Variants in PLCZ1 observed in about 807,000 individuals in gnomAD.
PLCZ1 encodes the protein 1-phosphatidylinositol 4,5-bisphosphate phosphodiesterase zeta-1.
Under a neutral mutation model 76.8 loss-of-function variants are expected in PLCZ1, and 64 were observed. The ratio of observed to expected loss-of-function variants is 0.83; its 90% CI spans 0.68 to 1.03. The LOEUF is 1.03. Ranked by LOEUF, PLCZ1 falls within the 50% of genes least tolerant of loss-of-function variation. PLCZ1 has a pLI of 0.00. For synonymous variants in PLCZ1, 248 were observed against 230.8 expected, an observed-to-expected ratio of 1.07 and a Z score of -0.68; for missense variants, 751 against 713.7, an observed-to-expected ratio of 1.05 and a Z score of -0.60.
At chr12:18,692,254 C>T (rs1954210963) in intron 12 of PLCZ1, among the ~76,000 whole-genome samples, 1 of 151,986 alleles carries the variant, frequency 6.6e-6, no homozygotes, top group Non-Finnish European at 1.5e-5. Flanking sequence ...CTAGGAGTAA[C>T]TAGTTAAATA....
chr12:18,693,083 G>C, intron 12 of PLCZ1: 3 of 1,507,500 alleles, frequency 2.0e-6, no homozygotes, highest in Non-Finnish European at 2.8e-6. Context: ...TGGATGATCT[G>C]AGGGGGACCC....
At chr12:18,659,283 C>T in the PLCZ1 span, among the ~76,000 whole-genome samples, 1 of 152,154 alleles carries the variant, frequency 6.6e-6, no homozygotes, top group Non-Finnish European at 1.5e-5. Flanking sequence ...TAAATACTAT[C>T]ACTAGTCCCG....
At chr12:18,709,333 T>C (rs1469086203) in intron 6 of PLCZ1, among the ~76,000 whole-genome samples, 1 of 152,146 alleles carries the variant, frequency 6.6e-6, no homozygotes, top group Non-Finnish European at 1.5e-5. Flanking sequence ...CATATATGCT[T>C]AGGTTGATCT....
intron 6 of PLCZ1, among the ~76,000 whole-genome samples, chr12:18,710,498 C>A (rs1324929532): frequency 2.0e-5 from 3 of 151,874 alleles, no homozygotes; most frequent in African/African-American, 4.8e-5. Context: ...CAAATTTCAG[C>A]TTTTATTTTG....
At chr12:18,721,307 G>A (rs1453247215) in intron 4 of PLCZ1, among the ~76,000 whole-genome samples, 2 of 151,992 alleles carry the variant, frequency 1.3e-5, no homozygotes, top group Non-Finnish European at 2.9e-5. Flanking sequence ...ATGAGGCTGA[G>A]GAACTTGGCA....
intron 13 of PLCZ1, among the ~76,000 whole-genome samples, chr12:18,686,444 AC>A (rs1405846746): frequency 6.6e-6 from 1 of 151,454 alleles, no homozygotes; most frequent in Non-Finnish European, 1.5e-5. Context: ...CCTATATTCC[AC>A]CCATCTTGAG....
rs1424821717 is a variant in PLCZ1 at position 18,683,231 on chromosome 12, A to G, written c.*8T>C. ...CATAGCTAATGATATGTCATTTATCATTAGCTGTTATCTGACGTACCAAAC... is the reference window on the plus strand; with the variant it reads ...CATAGCTAATGATATGTCATTTATCGTTAGCTGTTATCTGACGTACCAAAC... On this transcript the variant is annotated 3_prime_UTR_variant, in exon 15 of 15. Coordinates refer to ENST00000266505, the MANE Select transcript of PLCZ1 (RefSeq NM_033123.4). 2 of 1,610,800 alleles carry G rather than the reference A, an allele frequency of 1.2e-6. No individual in the cohort carries two copies. Among genetic ancestry groups the G allele is most frequent in the African/African-American group, 1.3e-5 (1 of 74,748 alleles).
rs1565748565 is a variant in PLCZ1, at chr12:18,736,329, CT to C, written c.26del (p.Lys9ArgfsTer13). 2 of 1,612,116 alleles carry C rather than the reference CT, an allele frequency of 1.2e-6. No individual in the cohort carries two copies. Among genetic ancestry groups the C allele is most frequent in the South Asian group, 2.2e-5 (2 of 90,976 alleles). On this transcript the variant is annotated frameshift_variant, in exon 3 of 15. Transcript: ENST00000266505. LOFTEE classifies it high-confidence loss of function. ...TTCCACCTCTGAAGTCATCCTGAATCTTTGACAAAAACCATGTAGAAGCACA... is the reference window on the plus strand; with the variant it reads ...TTCCACCTCTGAAGTCATCCTGAATCTTGACAAAAACCATGTAGAAGCACA... MEMRWFLS[K>X]IQDDFRGGKI...
Position 18,712,965 on chromosome 12 carries a change from A to G in PLCZ1, c.591T>C (p.Arg197=). The stretch of plus-strand genomic sequence containing the variant: ...CATCCCAGCAGTCAATCTCCAAACA[A>G]CGGCATCCTTTCACAAGGGCACTAG... ...GYVSALVKGC[R]CLEIDCWDGA... Residue 197 remains arginine, a synonymous_variant, in exon 6 of 15, where the codon CGT becomes CGC. Transcript: ENST00000266505. The G allele has an allele frequency of 6.2e-7, 1 of 1,613,918 alleles. No homozygotes were observed. Among genetic ancestry groups the G allele is most frequent in the Non-Finnish European group, 8.5e-7 (1 of 1,179,842 alleles).
chr12:18,665,069 G>A, the PLCZ1 span, among the ~76,000 whole-genome samples: 9 of 151,142 alleles, frequency 6.0e-5, no homozygotes, highest in South Asian at 1.7e-3. Context: ...ATGACGAGTT[G>A]ATGGGTGCAG....
At chr12:18,687,157 G>C (rs1209151565) in intron 13 of PLCZ1, among the ~76,000 whole-genome samples, 1 of 152,068 alleles carries the variant, frequency 6.6e-6, no homozygotes, top group Non-Finnish European at 1.5e-5. Context: ...ATAGGATAAG[G>C]CAATAAAATC....
intron 9 of PLCZ1, among the ~76,000 whole-genome samples, chr12:18,700,512 C>CAAAAATAA (rs1955740423): frequency 1.5e-5 from 1 of 67,896 alleles, no homozygotes; most frequent in Non-Finnish European, 2.5e-5. Context: ...AGCCAACGTA[C>CAAAAATAA]AAAAAAAAAA....
downstream of PLCZ1, among the ~76,000 whole-genome samples, chr12:18,682,927 A>G (rs1030866994): frequency 1.4e-4 from 21 of 152,026 alleles, no homozygotes; most frequent in African/African-American, 4.6e-4. Flanking sequence ...ATATTTTATA[A>G]TTAGATGTAT....
Position 18,701,569 on chromosome 12 carries a change from C to T in PLCZ1, c.950-1G>A. 1 of 1,613,818 alleles carries T rather than the reference C, an allele frequency of 6.2e-7. No individual in the cohort carries two copies. The highest frequency in any genetic ancestry group is 8.5e-7 in the Non-Finnish European group (1 of 1,179,970). On this transcript the variant is annotated splice_acceptor_variant, in intron 8 of 14. Coordinates refer to ENST00000266505, the MANE Select transcript of PLCZ1 (RefSeq NM_033123.4). LOFTEE classifies it high-confidence loss of function. ...CCTGTTTCCTTGTCTTGATTGTCTC[C>T]TAAAACAGATTCCAATACTTCTGAT...
In PLCZ1 at chr12:18,696,091, A is replaced by T. The variant is rs553337303; in HGVS notation, c.1291+59T>A. Reference sequence around the variant, plus strand: ...CTTTTCACGAGTTTTTCATACATTCATAAAATGAATTCATTTTATGTTACT... The same window carrying T: ...CTTTTCACGAGTTTTTCATACATTCTTAAAATGAATTCATTTTATGTTACT... On this transcript the variant is annotated intron_variant, in intron 11 of 14. Coordinates refer to ENST00000266505, the MANE Select transcript of PLCZ1 (RefSeq NM_033123.4). 3.2e-4 allele frequency: 308 copies of T among 966,386 alleles called. 7 individuals are homozygous for T. The South Asian group carries it at 4.2e-3, about 13-fold the overall frequency. The allele number at this position is 966,386 out of a possible 1,614,324, so 59.9% of individuals were successfully genotyped here. A position where few individuals can be genotyped will look rare whatever the true frequency, so the allele number is the denominator to read the frequency against.
rs758084175 is a variant in PLCZ1, at chr12:18,688,080, G to A, written c.1591+9C>T. On this transcript the variant is annotated intron_variant, in intron 13 of 14. Transcript: ENST00000266505. ...AATGGAAATTCAATAAGGTATATCA[G>A]GAGCTCACCATTTTTTTTAATTACA... The A allele has an allele frequency of 6.2e-7, 1 of 1,610,058 alleles. No homozygotes were observed. Among genetic ancestry groups the A allele is most frequent in the South Asian group, 1.1e-5 (1 of 91,032 alleles).
chr12:18,653,257 C>T, the PLCZ1 span, among the ~76,000 whole-genome samples: 12 of 152,208 alleles, frequency 7.9e-5, no homozygotes, highest in East Asian at 2.1e-3. Context: ...CATCATTAGT[C>T]ACATATTACC....
At chr12:18,712,382 A>G (rs1157299412) in intron 6 of PLCZ1, among the ~76,000 whole-genome samples, 11 of 152,188 alleles carry the variant, frequency 7.2e-5, no homozygotes, top group Admixed American at 7.2e-4. Flanking sequence ...TTTTGAATCC[A>G]AAGTAAACTT....
the PLCZ1 span, among the ~76,000 whole-genome samples, chr12:18,653,686 C>T: frequency 3.3e-5 from 5 of 152,052 alleles, no homozygotes; most frequent in African/African-American, 1.2e-4. Flanking sequence ...GTCACCTCAA[C>T]CACATGGTGT....
Sources: allele counts gnomAD v4.1 joint callset (sites outside exome capture counted in the v4.1 genomes callset), GRCh38; gene constraint gnomAD v4.1.1; transcripts MANE v1.5; gene names NCBI Gene and HGNC (gene_info 2026-07-23, HGNC 2026-07-21).